Variants in MYLIP observed in about 807,000 individuals in gnomAD.
MYLIP encodes the protein myosin regulatory light chain interacting protein.
In MYLIP, 26 loss-of-function variants were observed where a neutral mutation model predicts 45.8. The observed-to-expected ratio is 0.57, with a 90% CI of 0.42 to 0.79. The LOEUF is 0.79. Ranked by LOEUF, MYLIP falls within the 30% of genes least tolerant of loss-of-function variation. The probability of loss-of-function intolerance (pLI) is 0.00; values close to 1 mark genes in which losing one functional copy is unlikely to be tolerated. For synonymous variants in MYLIP, 213 were observed against 218.1 expected (o/e 0.98, Z 0.21); for missense variants, 494 against 555.6 (o/e 0.89, Z 1.11).
Position 16,145,305 on chromosome 6 carries a change from C to T in MYLIP, c.1236C>T (p.Ala412=), listed in dbSNP as rs143704444. The T allele has an allele frequency of 2.4e-5, 38 of 1,587,890 alleles. 1 individual carries two copies. The Middle Eastern group carries it at 1.1e-3, about 45-fold the overall frequency. The change falls in exon 6 of 7, where the codon GCC becomes GCT. Residue 412 remains alanine (A), a synonymous_variant. Coordinates refer to ENST00000356840, the MANE Select transcript of MYLIP (RefSeq NM_013262.4). The part of the protein sequence containing the change: ...CGHTVCCESC[A]AQLQSCPVCR... Reference sequence around the variant, plus strand: ...ACACTGTGTGCTGTGAGAGCTGCGCCGCCCAGCTACAGGTAGGGGAGTCAG... The same window carrying T: ...ACACTGTGTGCTGTGAGAGCTGCGCTGCCCAGCTACAGGTAGGGGAGTCAG...
intron 2 of MYLIP, among the ~76,000 whole-genome samples, chr6:16,131,267 TA>T (rs2113508311): frequency 1.3e-5 from 2 of 152,364 alleles, no homozygotes; most frequent in South Asian, 4.1e-4. Flanking sequence ...GCAGAATTTT[TA>T]AAGTTTTTAA....
intron 2 of MYLIP, among the ~76,000 whole-genome samples, chr6:16,137,215 A>G (rs1246296902): frequency 6.6e-6 from 1 of 152,270 alleles, no homozygotes; most frequent in Non-Finnish European, 1.5e-5. Flanking sequence ...GATACAAAAC[A>G]GAAAACTCTC....
At chr6:16,148,273 AGC>A (rs1759836016), downstream of MYLIP, 1 of 152,442 alleles carries the variant, frequency 6.6e-6, no homozygotes. Context: ...TTGTCATTTA[AGC>A]CAGTTTTATT....
chr6:16,130,710 T>C lies in MYLIP; in HGVS notation c.241T>C (p.Phe81Leu). Residue 81 changes from phenylalanine (F) to leucine (L), a missense_variant, in exon 2 of 7, where the codon TTC becomes CTC. Phe to Leu is a conservative substitution (Grantham distance 22, BLOSUM62 0). Coordinates refer to ENST00000356840, the MANE Select transcript of MYLIP (RefSeq NM_013262.4). ...CAGGCTTAAACTTAGAGTCAAGTTC[T>C]TCGTGGAGCCTCATCTCATCTTACA... is the stretch of plus-strand genomic sequence containing the variant. ...PYRLKLRVKF[F>L]VEPHLILQEQ... The C allele has an allele frequency of 6.2e-7, 1 of 1,614,128 alleles. No individual in the cohort carries two copies. Among genetic ancestry groups the C allele is most frequent in the Non-Finnish European group, 8.5e-7 (1 of 1,180,022 alleles).
chr6:16,161,238 TAATACACCCGTGA>T, the MYLIP span: 1 of 330,684 alleles, frequency 3.0e-6, no homozygotes, highest in South Asian at 3.0e-5. Context: ...ATCCTTCTGG[TAATACACCCGTGA>T]AATACACCCA....
chr6:16,156,631 A>C, the MYLIP span, among the ~76,000 whole-genome samples: 1 of 152,222 alleles, frequency 6.6e-6, no homozygotes, highest in Non-Finnish European at 1.5e-5. Context: ...CTATAAAAGG[A>C]GGATAAGTCT....
At chr6:16,161,246 C>T in the MYLIP span, 242 of 342,644 alleles carry the variant, frequency 7.1e-4, 1 homozygote, top group Non-Finnish European at 1.3e-3. Flanking sequence ...GGTAATACAC[C>T]CGTGAAATAC....
the MYLIP span, among the ~76,000 whole-genome samples, chr6:16,158,802 G>A: frequency 5.9e-5 from 9 of 152,234 alleles, no homozygotes; most frequent in African/African-American, 1.4e-4. Context: ...CCCGGGAGGC[G>A]GAGCTTGCAG....
chr6:16,153,401 T>C, the MYLIP span, among the ~76,000 whole-genome samples: 282 of 152,338 alleles, frequency 1.9e-3, 1 homozygote, highest in African/African-American at 6.4e-3. Flanking sequence ...AAGCTATTTT[T>C]CAGTTCTAAA....
chr6:16,143,968 T>G (rs917059051), intron 5 of MYLIP, 105 bp downstream of exon 5: 12 of 1,275,020 alleles, frequency 9.4e-6, no homozygotes, highest in Non-Finnish European at 6.5e-6. Context: ...ATGAGTCTAG[T>G]ACAGAATTTA....
chr6:16,143,430 AC>A (rs1372821083), intron 4 of MYLIP, among the ~76,000 whole-genome samples: 3 of 152,140 alleles, frequency 2.0e-5, no homozygotes, highest in Non-Finnish European at 4.4e-5. Context: ...TTTCCAAATA[AC>A]CCATTCACTG....
chr6:16,130,880 T>C (rs1759443916), intron 2 of MYLIP, 133 bp downstream of exon 2: 6 of 877,270 alleles, frequency 6.8e-6, no homozygotes, highest in Admixed American at 3.1e-5. Context: ...AGGTTTTCCA[T>C]GCAGGTCCTT....
chr6:16,130,788 G>A, intron 2 of MYLIP, 41 bp downstream of exon 2: 1 of 1,587,894 alleles, frequency 6.3e-7, no homozygotes, highest in Non-Finnish European at 8.6e-7. Flanking sequence ...ATTGACCTTT[G>A]GTTCCCTTTA....
At chr6:16,161,513 C>G in the MYLIP span, 1 of 155,094 alleles carries the variant, frequency 6.4e-6, no homozygotes, top group Non-Finnish European at 1.4e-5. Context: ...CCATCAGAAG[C>G]CATGCTATAC....
At chr6:16,161,129 T>A in the MYLIP span, 1 of 163,040 alleles carries the variant, frequency 6.1e-6, no homozygotes, top group African/African-American at 2.4e-5. Flanking sequence ...ACCCTCAAGA[T>A]CTATTCCATC....
chr6:16,146,519 T>G (rs1759793214), intron 6 of MYLIP, 143 bp from the exon 7 acceptor site: 1 of 636,210 alleles, frequency 1.6e-6, no homozygotes, highest in Non-Finnish European at 2.8e-6. Flanking sequence ...GGCAAAGATC[T>G]CTACCAATTG....
At chr6:16,160,539 C>T in the MYLIP span, among the ~76,000 whole-genome samples, 127 of 152,206 alleles carry the variant, frequency 8.3e-4, no homozygotes, top group Non-Finnish European at 1.4e-3. Context: ...CGATGGCTCA[C>T]GCCTGTAATC....
chr6:16,147,597 TC>T lies in MYLIP; in HGVS notation c.*847del, dbSNP rs1759820294. 6.6e-6 allele frequency: 1 copy of T among 152,260 alleles called. No homozygotes were observed. Among genetic ancestry groups the T allele is most frequent in the Admixed American group, 6.5e-5 (1 of 15,286 alleles). 9.4% of individuals were successfully genotyped at this position (152,260 alleles called of 1,614,324 possible). On this transcript the variant is annotated 3_prime_UTR_variant, in exon 7 of 7. Coordinates refer to ENST00000356840, the MANE Select transcript of MYLIP (RefSeq NM_013262.4). Reference sequence around the variant, plus strand: ...AGCTTGCTGAGTGAGAGATGGAGCCTCATGGTGTACAACTGAGGGTAGTTAA... The same window carrying T: ...AGCTTGCTGAGTGAGAGATGGAGCCTATGGTGTACAACTGAGGGTAGTTAA...
rs185184376 is a variant in MYLIP, at chr6:16,133,954, C to T, written c.278+3207C>T. On this transcript the variant is annotated intron_variant, in intron 2 of 6. Coordinates refer to ENST00000356840, the MANE Select transcript of MYLIP (RefSeq NM_013262.4). The stretch of plus-strand genomic sequence containing the variant: ...TTCATCCAGATTTCAGTGATGCTGG[C>T]AGTGATGAGTTTGACTCTGACTCGT... Among the ~76,000 whole-genome samples the T allele has an allele frequency of 4.5e-3, 681 of 152,254 alleles. 2 individuals are homozygous for T. The highest frequency in any genetic ancestry group is 7.5e-3 in the Non-Finnish European group (513 of 68,020).
Sources: gnomAD v4.1 joint callset for allele counts (sites outside exome capture counted in the v4.1 genomes callset) on GRCh38, gnomAD v4.1.1 for gene constraint, MANE v1.5 for transcripts, NCBI Gene and HGNC (gene_info 2026-07-23, HGNC 2026-07-21) for gene names.